The following CDH12 variants were observed in gnomAD, a reference collection of about 807,000 sequenced individuals.
The protein encoded by CDH12 is cadherin-12.
CDH12 carries 41 observed loss-of-function variants against 74.1 expected under a neutral mutation model. The observed-to-expected ratio is 0.55, with a 90% confidence interval of 0.43 to 0.72. The LOEUF (loss-of-function observed/expected upper bound fraction) is 0.72. Among genes scored for constraint, CDH12 ranks in the 30% least tolerant of loss-of-function variants. The probability of loss-of-function intolerance (pLI) is 0.00; values close to 1 mark genes in which losing one functional copy is unlikely to be tolerated. For missense variants in CDH12, 945 were observed against 977.2 expected (o/e 0.97, Z 0.44); for synonymous variants, 399 against 355.0 (o/e 1.12, Z -1.39).
intron 3 of CDH12, among the ~76,000 whole-genome samples, chr5:22,281,629 A>G (rs143888948): frequency 0.025 from 3,845 of 152,258 alleles, 72 homozygotes; most frequent in African/African-American, 0.052. Flanking sequence ...TACAATTGCT[A>G]CAAAGAGAAT....
At chr5:22,476,570 T>C (rs768653000) in intron 2 of CDH12, among the ~76,000 whole-genome samples, 1 of 152,122 alleles carries the variant, frequency 6.6e-6, no homozygotes, top group Non-Finnish European at 1.5e-5. Flanking sequence ...CTTCTCTCTA[T>C]TGCTGCTGAC....
intron 3 of CDH12, among the ~76,000 whole-genome samples, chr5:22,391,200 T>C (rs6878256): frequency 0.27 from 41,328 of 152,006 alleles, 5,683 homozygotes; most frequent in East Asian, 0.35. Flanking sequence ...AGGGAGGTTT[T>C]CACAATGAAG....
chr5:22,848,529 G>T (rs570454493), intron 1 of CDH12, among the ~76,000 whole-genome samples: 1 of 152,230 alleles, frequency 6.6e-6, no homozygotes, highest in Non-Finnish European at 1.5e-5. Flanking sequence ...ATCAAAGTTT[G>T]TTACCCACAC....
Position 21,783,499 on chromosome 5 carries a change from A to G in CDH12, c.1257-5T>C. On this transcript the variant is annotated splice_region_variant and splice_polypyrimidine_tract_variant and intron_variant, in intron 10 of 14. Coordinates refer to ENST00000382254, the MANE Select transcript of CDH12 (RefSeq NM_004061.5). ...CTCTTCCAATCTATGAAGTACCTGT[A>G]TATGAAAAGAGTAGATGCAAATGTG... 6.2e-7 allele frequency: 1 copy of G among 1,600,168 alleles called. No individual in the cohort carries two copies. The highest frequency in any genetic ancestry group is 8.6e-7 in the Non-Finnish European group (1 of 1,168,366).
chr5:21,924,324 T>G (rs1283119994), intron 6 of CDH12, among the ~76,000 whole-genome samples: 6 of 152,092 alleles, frequency 3.9e-5, no homozygotes, highest in Admixed American at 3.9e-4. Flanking sequence ...GAGACCAGCT[T>G]GGCCAACACG....
intron 2 of CDH12, among the ~76,000 whole-genome samples, chr5:22,419,979 C>T (rs377286821): frequency 6.9e-6 from 1 of 145,822 alleles, no homozygotes; most frequent in East Asian, 2.1e-4. Context: ...GTCCTTTGCC[C>T]ATATTTTAAT....
intron 5 of CDH12, 41 bp downstream of exon 5, chr5:22,078,405 C>T: frequency 2.6e-6 from 4 of 1,563,536 alleles, no homozygotes; most frequent in Non-Finnish European, 3.5e-6. Context: ...TGCATATTCC[C>T]CCTTCCTATC....
Position 22,853,058 on chromosome 5 carries a change from C to A in CDH12, c.-523G>T, listed in dbSNP as rs1310213280. The A allele has an allele frequency of 6.6e-6, 1 of 152,424 alleles. No individual in the cohort carries two copies. Among genetic ancestry groups the A allele is most frequent in the Non-Finnish European group, 1.5e-5 (1 of 68,206 alleles). The allele number at this position is 152,424 out of a possible 1,614,324, so 9.4% of individuals were successfully genotyped here. On this transcript the variant is annotated splice_region_variant and 5_prime_UTR_variant, in exon 1 of 15. Coordinates refer to ENST00000382254, the MANE Select transcript of CDH12 (RefSeq NM_004061.5). ...TCCCAATCAAAAACGGAAGCCTTAC[C>A]TGATGGCAGAAAAGGCAGCTGCAGG...
chr5:22,106,698 C>T (rs1455042712), intron 4 of CDH12, among the ~76,000 whole-genome samples: 5 of 152,190 alleles, frequency 3.3e-5, no homozygotes, highest in South Asian at 2.1e-4. Flanking sequence ...GCTGGGAAAA[C>T]GTCCAAGAAC....
intron 1 of CDH12, among the ~76,000 whole-genome samples, chr5:22,568,959 G>A (rs1739417380): frequency 6.6e-6 from 1 of 152,184 alleles, no homozygotes; most frequent in South Asian, 2.1e-4. Flanking sequence ...GTGGATGGCT[G>A]CTGACAAGCG....
At chr5:22,526,871 A>G (rs1213140912) in intron 1 of CDH12, among the ~76,000 whole-genome samples, 2 of 152,112 alleles carry the variant, frequency 1.3e-5, no homozygotes, top group Non-Finnish European at 2.9e-5. Context: ...CAGGGAACCA[A>G]TGTGTGGATT....
chr5:22,242,604 C>T (rs1185644104), intron 3 of CDH12, among the ~76,000 whole-genome samples: 1 of 152,134 alleles, frequency 6.6e-6, no homozygotes, highest in Non-Finnish European at 1.5e-5. Context: ...TCCCAGCTGG[C>T]TTTCTAGCAG....
At chr5:22,817,040 C>A (rs1164947672) in intron 1 of CDH12, among the ~76,000 whole-genome samples, 1 of 152,132 alleles carries the variant, frequency 6.6e-6, no homozygotes, top group Non-Finnish European at 1.5e-5. Flanking sequence ...AAATTGATCT[C>A]CCTATACCTC....
intron 8 of CDH12, among the ~76,000 whole-genome samples, chr5:21,823,507 C>T (rs917430902): frequency 2.0e-5 from 3 of 151,984 alleles, no homozygotes; most frequent in Admixed American, 2.0e-4. Flanking sequence ...TAATTATCTT[C>T]CTTCTAAAGG....
chr5:22,210,662 GAC>G (rs1241201815), intron 4 of CDH12, among the ~76,000 whole-genome samples: 9 of 152,008 alleles, frequency 5.9e-5, no homozygotes, highest in African/African-American at 2.2e-4. Flanking sequence ...ACTCTGGTCA[GAC>G]ACTTCAGTGG....
At chr5:22,199,057 T>C (rs1362679171) in intron 4 of CDH12, among the ~76,000 whole-genome samples, 1 of 152,060 alleles carries the variant, frequency 6.6e-6, no homozygotes, top group Non-Finnish European at 1.5e-5. Flanking sequence ...ATTCTGATAA[T>C]AGAGAAAGTG....
At chr5:22,361,318 C>T (rs1225540618) in intron 3 of CDH12, among the ~76,000 whole-genome samples, 1 of 152,138 alleles carries the variant, frequency 6.6e-6, no homozygotes, top group African/African-American at 2.4e-5. Flanking sequence ...CATGAGTGAA[C>T]TCCCATTCAC....
chr5:22,698,724 TATATATATATAG>T (rs1561586031), intron 1 of CDH12, among the ~76,000 whole-genome samples: 1 of 17,438 alleles, frequency 5.7e-5, no homozygotes, highest in Non-Finnish European at 1.1e-4. Context: ...TATATATATA[TATATATATATAG>T]TGTGTGTGTG....
At chr5:22,388,568 T>C (rs1209709226) in intron 3 of CDH12, among the ~76,000 whole-genome samples, 1 of 152,162 alleles carries the variant, frequency 6.6e-6, no homozygotes, top group African/African-American at 2.4e-5. Flanking sequence ...CATTCATTAT[T>C]TTTTGATAAC....
Sources: allele counts gnomAD v4.1 joint callset (sites outside exome capture counted in the v4.1 genomes callset), GRCh38; gene constraint gnomAD v4.1.1; transcripts MANE v1.5; gene names NCBI Gene and HGNC (gene_info 2026-07-23, HGNC 2026-07-21).